The following FAM120B variants were observed in gnomAD, a reference collection of about 807,000 sequenced individuals.
FAM120B encodes the protein family with sequence similarity 120 member B.
In FAM120B, 83 loss-of-function variants were observed where a neutral mutation model predicts 96.3. That is an observed-to-expected ratio of 0.86 (90% CI 0.72 to 1.03). FAM120B has a LOEUF of 1.03. Ranked by LOEUF, FAM120B falls within the 50% of genes least tolerant of loss-of-function variation. The pLI is 0.00. For synonymous variants in FAM120B, 407 were observed against 402.7 expected, an observed-to-expected ratio of 1.01 and a Z score of -0.13; for missense variants, 1,027 against 1,121.2, an observed-to-expected ratio of 0.92 and a Z score of 1.20.
intron 6 of FAM120B, among the ~76,000 whole-genome samples, chr6:170,377,811 T>C (rs113108639): frequency 1.5e-5 from 2 of 132,120 alleles, no homozygotes; most frequent in African/African-American, 3.1e-5. Flanking sequence ...GAACACAGGC[T>C]CACGCTGCTC....
At chr6:170,381,634 A>G (rs1256982263) in intron 6 of FAM120B, among the ~76,000 whole-genome samples, 5 of 152,198 alleles carry the variant, frequency 3.3e-5, no homozygotes, top group Admixed American at 6.5e-5. Flanking sequence ...TGAACAAAAT[A>G]TGAGTGAATC....
At chr6:170,361,260 A>G (rs1434143738) in intron 6 of FAM120B, among the ~76,000 whole-genome samples, 1 of 140,648 alleles carries the variant, frequency 7.1e-6, no homozygotes, top group Non-Finnish European at 1.5e-5. Context: ...ATATACGTGT[A>G]TATATATAGT....
Position 170,295,978 on chromosome 6 carries a change from G to GC in FAM120B, c.48+530dup, listed in dbSNP as rs1033975843. ...GATGACGGCTCGGCAGCGGGCCCCC[G>GC]CCCCCTCCTCTGCGCCGCGGCTCCT... On this transcript the variant is annotated intron_variant, in intron 1 of 10. Transcript: ENST00000537664. The surrounding 1 kb of genome is among the most constrained non-coding windows in gnomAD (Gnocchi z 7.8). 6.6e-6 allele frequency among the ~76,000 whole-genome samples: 1 copy of GC among 151,746 alleles called. No individual in the cohort carries two copies. The highest frequency in any genetic ancestry group is 1.5e-5 in the Non-Finnish European group (1 of 67,908).
intron 6 of FAM120B, among the ~76,000 whole-genome samples, chr6:170,373,848 G>C (rs1583285791): frequency 6.6e-6 from 1 of 152,222 alleles, no homozygotes; most frequent in Non-Finnish European, 1.5e-5. Flanking sequence ...CACAGGAAAA[G>C]AGCATAGGTG....
intron 6 of FAM120B, among the ~76,000 whole-genome samples, chr6:170,373,766 A>T (rs978435149): frequency 1.3e-5 from 2 of 152,230 alleles, no homozygotes; most frequent in East Asian, 3.8e-4. Context: ...ACAGTATATT[A>T]TCTGGGAAAT....
intron 2 of FAM120B, 80 bp downstream of exon 2, chr6:170,319,204 C>T: frequency 7.2e-7 from 1 of 1,381,462 alleles, no homozygotes; most frequent in Non-Finnish European, 9.7e-7. Flanking sequence ...TCCATTACTG[C>T]CTCAGTGTTT....
rs546098776 is a variant in FAM120B, at chr6:170,334,096, A to G, written c.2017+3546A>G. Among the ~76,000 whole-genome samples the G allele has an allele frequency of 7.2e-5, 11 of 152,306 alleles. 1 individual carries two copies. The highest frequency in any genetic ancestry group is 4.1e-4 in the South Asian group (2 of 4,828). ...AGTCTCCAGAATTGGAGATTTGTCAATTCTTCATTTTCAAAGTGCTGGTGG... is the reference window on the plus strand; with the variant it reads ...AGTCTCCAGAATTGGAGATTTGTCAGTTCTTCATTTTCAAAGTGCTGGTGG... On this transcript the variant is annotated intron_variant, in intron 4 of 10. Transcript: ENST00000476287.
intron 6 of FAM120B, among the ~76,000 whole-genome samples, chr6:170,374,157 A>G (rs919126055): frequency 6.6e-6 from 1 of 152,218 alleles, no homozygotes; most frequent in Non-Finnish European, 1.5e-5. Flanking sequence ...CACTCCGCGC[A>G]GTAAGTTCTC....
Position 170,348,294 on chromosome 6 carries a change from T to C in FAM120B, c.2161T>C (p.Cys721Arg). The change falls in exon 5 of 11, where the codon TGC (cysteine) becomes CGC (arginine). Residue 721 changes from cysteine to arginine, a missense_variant. Cys to Arg is a radical substitution (Grantham distance 180, BLOSUM62 -3). Transcript: ENST00000476287. ...QAVESPFQAL[C>R]CLLIYLFVQV... ...TGTCGAAAGCCCATTTCAAGCTTTGTGCTGCCTCTTGATCTACCTCTTTGT... is the reference window on the plus strand; with the variant it reads ...TGTCGAAAGCCCATTTCAAGCTTTGCGCTGCCTCTTGATCTACCTCTTTGT... 2 of 1,613,498 alleles carry C rather than the reference T, an allele frequency of 1.2e-6. No homozygotes were observed. The highest frequency in any genetic ancestry group is 1.7e-6 in the Non-Finnish European group (2 of 1,179,882).
upstream of FAM120B, among the ~76,000 whole-genome samples, chr6:170,293,182 G>T (rs1783923776): frequency 1.3e-5 from 2 of 152,150 alleles, no homozygotes; most frequent in South Asian, 2.1e-4. Context: ...TGGGGGCTGG[G>T]GGTGGGGGTG....
intron 6 of FAM120B, among the ~76,000 whole-genome samples, chr6:170,372,409 T>A (rs1789250330): frequency 3.1e-5 from 2 of 64,950 alleles, no homozygotes; most frequent in African/African-American, 6.2e-5. Context: ...GATGGTAGTA[T>A]CTACAGGGGC....
Position 170,355,013 on chromosome 6 carries a change from A to G in FAM120B, c.2191-3213A>G, listed in dbSNP as rs185123300. The stretch of plus-strand genomic sequence containing the variant: ...TTGATCACTAGAGAAATGCAAATCA[A>G]AACCACCATGAGATACTATCTCATG... On this transcript the variant is annotated intron_variant, in intron 5 of 10. Transcript: ENST00000476287. Among the ~76,000 whole-genome samples the G allele has an allele frequency of 3.6e-3, 545 of 152,294 alleles. 2 individuals are homozygous for G. The highest frequency in any genetic ancestry group is 0.012 in the African/African-American group (494 of 41,554).
At chr6:170,394,030 A>C (rs866458996) in intron 8 of FAM120B, among the ~76,000 whole-genome samples, 6 of 152,188 alleles carry the variant, frequency 3.9e-5, no homozygotes, top group South Asian at 4.1e-4. Flanking sequence ...GCTGGAGGTG[A>C]GCTGGAGACC....
chr6:170,341,621 G>A (rs964451832), intron 4 of FAM120B, among the ~76,000 whole-genome samples: 8 of 152,068 alleles, frequency 5.3e-5, no homozygotes, highest in Admixed American at 5.2e-4. Flanking sequence ...GGGCCCTGGT[G>A]GTGTAGACAC....
chr6:170,313,652 G>T (rs918484467), intron 1 of FAM120B, among the ~76,000 whole-genome samples: 2 of 152,208 alleles, frequency 1.3e-5, no homozygotes, highest in African/African-American at 4.8e-5. Context: ...TGGTTTTATT[G>T]TCTCCAGCTT....
chr6:170,373,371 A>C (rs1221661321), intron 6 of FAM120B, among the ~76,000 whole-genome samples: 2 of 152,206 alleles, frequency 1.3e-5, no homozygotes, highest in Non-Finnish European at 2.9e-5. Context: ...ACCTGGGGCC[A>C]ACCCTCTGTC....
Position 170,308,955 on chromosome 6 carries a change from C to T in FAM120B, c.-22+2113C>T, listed in dbSNP as rs536412191. Among the ~76,000 whole-genome samples, 3 of 152,328 alleles carry T rather than the reference C, an allele frequency of 2.0e-5. No individual in the cohort carries two copies. In the South Asian group the frequency reaches 6.2e-4, roughly 32 times the overall value. On this transcript the variant is annotated intron_variant, in intron 1 of 10. Transcript: ENST00000476287. ...AGCATGTTGGACAGGATCTTTGTAACTTCTTTGTTGCAAGCTTAAATGCCT... is the reference window on the plus strand; with the variant it reads ...AGCATGTTGGACAGGATCTTTGTAATTTCTTTGTTGCAAGCTTAAATGCCT...
At chr6:170,358,821 T>C (rs1385352920) in intron 6 of FAM120B, among the ~76,000 whole-genome samples, 2 of 152,154 alleles carry the variant, frequency 1.3e-5, no homozygotes, top group African/African-American at 4.8e-5. Context: ...AGACATGCCC[T>C]CCGGGAGTGC....
chr6:170,400,481 G>A (rs539215686), intron 9 of FAM120B, among the ~76,000 whole-genome samples: 322 of 152,222 alleles, frequency 2.1e-3, no homozygotes, highest in African/African-American at 7.6e-3. Context: ...GGTAGCTTCA[G>A]ACAGGCTGAC....
Sources: gnomAD v4.1 joint callset for allele counts (sites outside exome capture counted in the v4.1 genomes callset) on GRCh38, gnomAD v4.1.1 for gene constraint, Gnocchi (gnomAD v3.1) non-coding constraint, MANE v1.5 for transcripts, NCBI Gene and HGNC (gene_info 2026-07-23, HGNC 2026-07-21) for gene names.